Variants in TRIOBP observed in about 807,000 individuals in gnomAD.
TRIOBP encodes TRIO and F-actin binding protein.
Under a neutral mutation model 238.8 loss-of-function variants are expected in TRIOBP, and 169 were observed. That is an observed-to-expected ratio of 0.71 (90% CI 0.62 to 0.80). The LOEUF (loss-of-function observed/expected upper bound fraction) is 0.80. Ranked by LOEUF, TRIOBP falls within the 30% of genes least tolerant of loss-of-function variation. TRIOBP has a pLI of 0.00. For synonymous variants in TRIOBP, 1,150 were observed against 1,274.4 expected, an observed-to-expected ratio of 0.90 and a Z score of 2.08; for missense variants, 2,838 against 3,122.6, an observed-to-expected ratio of 0.91 and a Z score of 2.17.
At chr22:37,754,155 A>G (rs1286627121) in intron 12 of TRIOBP, among the ~76,000 whole-genome samples, 8 of 152,162 alleles carry the variant, frequency 5.3e-5, no homozygotes, top group African/African-American at 1.9e-4. Context: ...CACGCCTGTA[A>G]TCCCAGCACT....
rs1471843468 is a variant in TRIOBP at position 37,757,748 on chromosome 22, G to A, written c.5823G>A (p.Gln1941=). 11 of 1,567,294 alleles carry A rather than the reference G, an allele frequency of 7.0e-6. No individual in the cohort carries two copies. The East Asian group carries it at 2.6e-4, about 37-fold the overall frequency. ...GGPRKADGQR[Q]ALDYVELSPL... is the part of the protein sequence containing the mutation. ...CTCGGAAGGCGGACGGGCAGCGTCA[G>A]GCCTTGGACTACGTGGAGCTCTCGC... The change falls in exon 16 of 24, where the codon CAG becomes CAA. Residue 1941 remains glutamine (Q), a synonymous_variant. Coordinates refer to ENST00000644935, the MANE Select transcript of TRIOBP (RefSeq NM_001039141.3).
intron 11 of TRIOBP, chr22:37,746,274 A>G (rs1233970976): frequency 1.9e-5 from 21 of 1,076,974 alleles, no homozygotes; most frequent in Non-Finnish European, 2.2e-5. Flanking sequence ...GCGTCGGGGA[A>G]AGGAAGGGCC....
Position 37,755,140 on chromosome 22 carries a change from A to T in TRIOBP, c.5527A>T (p.Thr1843Ser). 5 of 1,613,816 alleles carry T rather than the reference A, an allele frequency of 3.1e-6. No homozygotes were observed. The highest frequency in any genetic ancestry group is 4.2e-6 in the Non-Finnish European group (5 of 1,179,894). The change falls in exon 14 of 24, where the codon ACG becomes TCG. Residue 1843 changes from threonine to serine, a missense_variant. By Grantham distance (58) the Thr-to-Ser change is moderately conservative. Transcript: ENST00000644935. ...TGGTGAGATCGACCTGCGTTCCTGC[A>T]CGGATGTCACTGAGTACGCGGTGCA... ...LDGEIDLRSC[T>S]DVTEYAVQRN...
Position 37,769,105 on chromosome 22 carries a change from C to A in TRIOBP, c.6653C>A (p.Ala2218Glu). 6.2e-7 allele frequency: 1 copy of A among 1,613,502 alleles called. No individual in the cohort carries two copies. The highest frequency in any genetic ancestry group is 1.1e-5 in the South Asian group (1 of 91,080). ...QYSQKCLEIG[A>E]LMRQAEEREH... ...TCGCAGAAGTGCCTGGAGATTGGGG[C>A]ACTCATGCGGCAGGCTGAGGAGCGC... Residue 2218 changes from alanine to glutamate, a missense_variant, in exon 20 of 24, where the codon GCA (alanine) becomes GAA (glutamate). This residue lies in a region of TRIOBP where 2,096 missense variants were observed against 2,137.4 expected (regional missense o/e 0.98). Transcript: ENST00000644935.
At chr22:37,704,410 A>T (rs11089851) in intron 3 of TRIOBP, among the ~76,000 whole-genome samples, 9 of 32,766 alleles carry the variant, frequency 2.7e-4, no homozygotes, top group Admixed American at 1.3e-3. Flanking sequence ...AACAGAACAG[A>T]ACAGAACAGA....
rs1924591230 is a variant in TRIOBP, at chr22:37,734,868, C to T, written c.4532C>T (p.Pro1511Leu). ...ELPRELGKRS[P>L]LTSPPENWGG... ...CCCAGAGAACTAGGAAAGAGAAGCC[C>T]ACTCACGAGCCCCCCTGAGAACTGG... is the stretch of plus-strand genomic sequence containing the variant. The change falls in exon 9 of 24, where the codon CCA becomes CTA. Residue 1511 changes from proline (P) to leucine (L), a missense_variant. By Grantham distance (98) the Pro-to-Leu change is moderately conservative. This residue lies in a region of TRIOBP where 2,096 missense variants were observed against 2,137.4 expected (regional missense o/e 0.98). Transcript: ENST00000644935. The T allele has an allele frequency of 1.2e-6, 2 of 1,612,916 alleles. No homozygotes were observed. Among genetic ancestry groups the T allele is most frequent in the South Asian group, 1.1e-5 (1 of 91,088 alleles).
intron 17 of TRIOBP, among the ~76,000 whole-genome samples, chr22:37,763,292 G>T (rs960361577): frequency 6.6e-6 from 1 of 152,230 alleles, no homozygotes; most frequent in Admixed American, 6.5e-5. Context: ...AAGCTCAGAG[G>T]GGGCGAGGGG....
intron 3 of TRIOBP, among the ~76,000 whole-genome samples, chr22:37,707,169 G>A (rs368647344): frequency 9.2e-5 from 14 of 152,178 alleles, no homozygotes; most frequent in Middle Eastern, 3.4e-3. Context: ...CCAGCTACTC[G>A]GGAGGCTGAG....
At chr22:37,754,842 C>G in intron 12 of TRIOBP, 35 bp from the exon 13 acceptor site, 1 of 1,605,764 alleles carries the variant, frequency 6.2e-7, no homozygotes, top group Non-Finnish European at 8.5e-7. Context: ...TGTACAATCA[C>G]ACACACTGGC....
At chr22:37,751,226 C>T in intron 11 of TRIOBP, 1 of 356,338 alleles carries the variant, frequency 2.8e-6, no homozygotes, top group Non-Finnish European at 5.8e-6. Context: ...ACTGACCCTT[C>T]CCAAAGAGAT....
intron 2 of TRIOBP, among the ~76,000 whole-genome samples, chr22:37,700,691 T>G (rs1033749606): frequency 4.5e-4 from 69 of 152,088 alleles, no homozygotes; most frequent in Non-Finnish European, 7.4e-4. Flanking sequence ...GGAATCTGCA[T>G]TTTTTTGTTT....
intron 15 of TRIOBP, among the ~76,000 whole-genome samples, chr22:37,756,705 C>T (rs1429381083): frequency 4.6e-5 from 7 of 152,220 alleles, no homozygotes; most frequent in African/African-American, 7.2e-5. Flanking sequence ...CACACCCACT[C>T]GGCAGCCTAT....
intron 17 of TRIOBP, among the ~76,000 whole-genome samples, chr22:37,761,282 A>G (rs921422645): frequency 2.0e-4 from 30 of 151,802 alleles, no homozygotes; most frequent in Non-Finnish European, 2.7e-4. Flanking sequence ...CCCTGTCTCT[A>G]CTAAAAAAAA....
chr22:37,705,187 C>T (rs1922869860), intron 3 of TRIOBP, among the ~76,000 whole-genome samples: 1 of 152,086 alleles, frequency 6.6e-6, no homozygotes, highest in Non-Finnish European at 1.5e-5. Flanking sequence ...CCACCCTGGC[C>T]AACATGGTGA....
At chr22:37,726,526 C>A in intron 7 of TRIOBP, 23 bp downstream of exon 7, 7 of 1,451,572 alleles carry the variant, frequency 4.8e-6, no homozygotes, top group Non-Finnish European at 6.3e-6. Flanking sequence ...GTGGGGTCAG[C>A]CAGGTGGGCT....
intron 22 of TRIOBP, 94 bp from the exon 23 acceptor site, chr22:37,772,507 C>T (rs906992089): frequency 7.0e-5 from 110 of 1,570,748 alleles, no homozygotes; most frequent in Admixed American, 1.2e-4. Context: ...GAGGTATCTG[C>T]GGGGAGGTCT....
chr22:37,764,817 C>G (rs1392871417), intron 17 of TRIOBP, among the ~76,000 whole-genome samples: 1 of 152,216 alleles, frequency 6.6e-6, no homozygotes, highest in Non-Finnish European at 1.5e-5. Flanking sequence ...CAGGCCCTGG[C>G]CTAGACCCTG....
intron 16 of TRIOBP, among the ~76,000 whole-genome samples, chr22:37,758,409 T>A (rs1361775143): frequency 6.6e-6 from 1 of 152,212 alleles, no homozygotes. Context: ...CCTGCCAGGC[T>A]CACACCTGTA....
chr22:37,718,297 C>T (rs1202614622), intron 6 of TRIOBP, among the ~76,000 whole-genome samples: 1 of 152,228 alleles, frequency 6.6e-6, no homozygotes, highest in Non-Finnish European at 1.5e-5. Context: ...CACAGTGCAG[C>T]GGTGGCCTGA....
Sources: gnomAD v4.1 joint callset for allele counts (sites outside exome capture counted in the v4.1 genomes callset) on GRCh38, gnomAD v4.1.1 for gene constraint, gnomAD v4.1.1 regional missense constraint, MANE v1.5 for transcripts, NCBI Gene and HGNC (gene_info 2026-07-23, HGNC 2026-07-21) for gene names.